Variants in PRKG2 observed in about 807,000 individuals in gnomAD.
The protein encoded by PRKG2 is protein kinase cGMP-dependent 2.
In PRKG2, 33 loss-of-function variants were observed where a neutral mutation model predicts 97.2. The ratio of observed to expected loss-of-function variants is 0.34; its 90% CI spans 0.26 to 0.45. The LOEUF (loss-of-function observed/expected upper bound fraction) is 0.45, where lower values mean the gene tolerates loss of function less well. PRKG2 is among the 20% of genes least tolerant of loss of function. The probability of loss-of-function intolerance (pLI) is 1.00; values close to 1 mark genes in which losing one functional copy is unlikely to be tolerated. For synonymous variants in PRKG2, 330 were observed against 321.8 expected, an observed-to-expected ratio of 1.03 and a Z score of -0.27; for missense variants, 638 against 900.0, an observed-to-expected ratio of 0.71 and a Z score of 3.73.
At chr4:81,091,655 A>G (rs890655593) in intron 18 of PRKG2, among the ~76,000 whole-genome samples, 1 of 152,134 alleles carries the variant, frequency 6.6e-6, no homozygotes, top group Admixed American at 6.5e-5. Flanking sequence ...CACTTTGATG[A>G]AAAAAAGTCA....
intron 6 of PRKG2, among the ~76,000 whole-genome samples, chr4:81,158,814 C>A (rs1032873566): frequency 6.6e-6 from 1 of 152,120 alleles, no homozygotes; most frequent in Non-Finnish European, 1.5e-5. Context: ...ACCATCTGAT[C>A]TTTGAGAAAC....
At chr4:81,181,744 T>C (rs905655754) in intron 2 of PRKG2, among the ~76,000 whole-genome samples, 2 of 152,006 alleles carry the variant, frequency 1.3e-5, no homozygotes, top group Non-Finnish European at 2.9e-5. Context: ...AACAACTTTA[T>C]AGTTAAAAAT....
intron 17 of PRKG2, among the ~76,000 whole-genome samples, chr4:81,096,628 C>T (rs1033060463): frequency 1.6e-4 from 24 of 152,162 alleles, no homozygotes; most frequent in African/African-American, 4.6e-4. Flanking sequence ...ATATTTAAAT[C>T]CTTTGTTGTC....
intron 7 of PRKG2, chr4:81,153,300 C>T (rs1452805938): frequency 5.4e-6 from 1 of 185,106 alleles, no homozygotes; most frequent in Admixed American, 5.8e-5. Flanking sequence ...AGAAAATATT[C>T]TAGTACTGAT....
At chr4:81,204,462 C>T in intron 2 of PRKG2, 125 bp downstream of exon 2, 1 of 1,107,142 alleles carries the variant, frequency 9.0e-7, no homozygotes, top group Non-Finnish European at 1.3e-6. Flanking sequence ...ATTTCAAAAA[C>T]CCCTCTACCC....
At chr4:81,132,814 T>C (rs1746310901) in intron 14 of PRKG2, among the ~76,000 whole-genome samples, 2 of 152,202 alleles carry the variant, frequency 1.3e-5, no homozygotes. Flanking sequence ...TTTTTTGAGT[T>C]TCTGATCCTT....
At chr4:81,197,026 T>C (rs141177300) in intron 2 of PRKG2, among the ~76,000 whole-genome samples, 1 of 152,322 alleles carries the variant, frequency 6.6e-6, no homozygotes, top group East Asian at 1.9e-4. Context: ...TATTGCAATT[T>C]AAACTCTAGA....
At chr4:81,142,109 T>C (rs985182943) in intron 11 of PRKG2, among the ~76,000 whole-genome samples, 1 of 152,196 alleles carries the variant, frequency 6.6e-6, no homozygotes, top group South Asian at 2.1e-4. Flanking sequence ...ATTCCACATT[T>C]TCCTTAGAAT....
upstream of PRKG2, among the ~76,000 whole-genome samples, chr4:81,216,527 T>C (rs981535063): frequency 1.1e-4 from 17 of 152,116 alleles, no homozygotes; most frequent in African/African-American, 3.4e-4. Context: ...ATTTTCAAAG[T>C]CTTCACTTTA....
intron 8 of PRKG2, 36 bp downstream of exon 8, chr4:81,151,924 T>G (rs530913051): frequency 6.6e-6 from 10 of 1,505,750 alleles, no homozygotes; most frequent in Non-Finnish European, 9.2e-6. Flanking sequence ...GTCGAAGCAT[T>G]TTATCCAAAG....
At chr4:81,189,053 T>TA (rs1560615637) in intron 2 of PRKG2, among the ~76,000 whole-genome samples, 2 of 17,394 alleles carry the variant, frequency 1.1e-4, no homozygotes, top group Non-Finnish European at 1.8e-4. Flanking sequence ...AAAAAAAAGA[T>TA]TAAAAAAAAT....
intron 2 of PRKG2, among the ~76,000 whole-genome samples, chr4:81,181,354 A>G (rs927790766): frequency 4.5e-4 from 68 of 151,954 alleles, no homozygotes; most frequent in Admixed American, 3.9e-4. Context: ...ATAATAAAAT[A>G]TGACATAAAA....
At chr4:81,115,806 T>C (rs899518821) in intron 14 of PRKG2, among the ~76,000 whole-genome samples, 3 of 152,206 alleles carry the variant, frequency 2.0e-5, no homozygotes, top group African/African-American at 4.8e-5. Flanking sequence ...CCATATTACC[T>C]ATTAATTTAG....
chr4:81,119,572 G>A (rs952170118), intron 14 of PRKG2, among the ~76,000 whole-genome samples: 1 of 151,936 alleles, frequency 6.6e-6, no homozygotes, highest in Non-Finnish European at 1.5e-5. Flanking sequence ...TTCCTTCAAT[G>A]TTACATTGGC....
At chr4:81,210,251 T>C (rs1753898219) in intron 1 of PRKG2, among the ~76,000 whole-genome samples, 1 of 149,714 alleles carries the variant, frequency 6.7e-6, no homozygotes, top group African/African-American at 2.5e-5. Flanking sequence ...GATTAAAATT[T>C]AAAACTTCTG....
At chr4:81,183,827 T>C (rs1751638991) in intron 2 of PRKG2, among the ~76,000 whole-genome samples, 1 of 152,094 alleles carries the variant, frequency 6.6e-6, no homozygotes, top group African/African-American at 2.4e-5. Flanking sequence ...TCTGCCATTA[T>C]TAAGGCTTCA....
chr4:81,204,709 G>C lies in PRKG2; in HGVS notation c.339C>G (p.Val113=), dbSNP rs1753536750. The change falls in exon 2 of 19, where the codon GTC becomes GTG. Residue 113 remains valine, a synonymous_variant. Coordinates refer to ENST00000264399, the MANE Select transcript of PRKG2 (RefSeq NM_006259.3). ...LEVHRKTSGL[V]SLHSRRGAKA... ...TTGCTCCCCTCCTGCTATGGAGAGA[G>C]ACCAATCCAGAGGTCTTCCGGTGGA... The C allele has an allele frequency of 1.2e-6, 2 of 1,614,082 alleles. No individual in the cohort carries two copies. Among genetic ancestry groups the C allele is most frequent in the African/African-American group, 1.3e-5 (1 of 74,932 alleles).
intron 1 of PRKG2, among the ~76,000 whole-genome samples, chr4:81,206,412 C>T (rs1405381316): frequency 1.3e-5 from 2 of 152,150 alleles, no homozygotes; most frequent in African/African-American, 4.8e-5. Context: ...CTCATGAGAT[C>T]TGATGGTTTT....
intron 11 of PRKG2, among the ~76,000 whole-genome samples, chr4:81,141,309 C>T (rs1267541311): frequency 2.0e-5 from 3 of 152,136 alleles, no homozygotes; most frequent in Non-Finnish European, 4.4e-5. Flanking sequence ...CCGCACCCAG[C>T]CTAAGCTCTA....
Sources: allele counts gnomAD v4.1 joint callset (sites outside exome capture counted in the v4.1 genomes callset), GRCh38; gene constraint gnomAD v4.1.1; transcripts MANE v1.5; gene names NCBI Gene and HGNC (gene_info 2026-07-23, HGNC 2026-07-21).